Variants in HTR2C observed in about 807,000 individuals in gnomAD.
The protein encoded by HTR2C is 5-hydroxytryptamine receptor 2C, also known as 5-hydroxytryptamine (serotonin) receptor 2C, G protein-coupled.
A neutral mutation model predicts 21.0 loss-of-function variants in HTR2C; 5 were observed. That is an observed-to-expected ratio of 0.24 (90% CI 0.12 to 0.50). The LOEUF (loss-of-function observed/expected upper bound fraction) is 0.50, where lower values mean the gene tolerates loss of function less well. Ranked by LOEUF, HTR2C falls within the 20% of genes least tolerant of loss-of-function variation. The pLI, the probability that HTR2C is intolerant of heterozygous loss-of-function variation, is 0.98. For synonymous variants in HTR2C, 150 were observed against 145.3 expected (o/e 1.03, Z -0.23); for missense variants, 271 against 371.2 (o/e 0.73, Z 2.22).
At chrX:114,869,008 C>T (rs1441223214) in intron 5 of HTR2C, among the ~76,000 whole-genome samples, 1 of 109,168 alleles carries the variant, frequency 9.2e-6, no homozygotes, top group African/African-American at 3.4e-5. Flanking sequence ...CAACCCCTGA[C>T]AGGCCCCAGT....
intron 2 of HTR2C, among the ~76,000 whole-genome samples, chrX:114,690,442 A>T (rs1326617069): frequency 1.8e-5 from 2 of 111,737 alleles, no homozygotes; most frequent in African/African-American, 6.5e-5. Flanking sequence ...ACTGTTTTTC[A>T]TCTGCCTCTA....
chrX:114,681,616 CAAT>C (rs1569483617), intron 2 of HTR2C, among the ~76,000 whole-genome samples: 1 of 111,137 alleles, frequency 9.0e-6, no homozygotes, highest in Non-Finnish European at 1.9e-5. Context: ...GTTCCTCTTT[CAAT>C]AATGTTTTCT....
intron 2 of HTR2C, among the ~76,000 whole-genome samples, chrX:114,686,677 A>G (rs782158394): frequency 9.0e-6 from 1 of 110,649 alleles, no homozygotes; most frequent in African/African-American, 3.3e-5. Flanking sequence ...CAGTATATTT[A>G]TATATTTTAT....
chrX:114,893,233 G>GAA (rs1163386489), intron 5 of HTR2C, among the ~76,000 whole-genome samples: 5 of 110,456 alleles, frequency 4.5e-5, no homozygotes, highest in Non-Finnish European at 9.4e-5. Context: ...AATTTATAAG[G>GAA]AAAAGTAATG....
chrX:114,836,180 G>A (rs370088278), intron 4 of HTR2C, among the ~76,000 whole-genome samples: 30 of 109,729 alleles, frequency 2.7e-4, no homozygotes, highest in African/African-American at 7.5e-4. Flanking sequence ...CCCTGCCCCC[G>A]GAGGTGGAGC....
At chrX:114,641,692 C>T (rs1930130571) in intron 2 of HTR2C, among the ~76,000 whole-genome samples, 1 of 111,891 alleles carries the variant, frequency 8.9e-6, no homozygotes, top group African/African-American at 3.3e-5. Flanking sequence ...CATTTCCCAA[C>T]AGATAATAAT....
intron 4 of HTR2C, among the ~76,000 whole-genome samples, chrX:114,740,184 TA>T (rs1258844210): frequency 9.1e-6 from 1 of 109,634 alleles, no homozygotes; most frequent in Non-Finnish European, 1.9e-5. Context: ...CACATTTATA[TA>T]TATATATATG....
At chrX:114,730,402 A>G (rs1366459531) in intron 3 of HTR2C, among the ~76,000 whole-genome samples, 1 of 111,976 alleles carries the variant, frequency 8.9e-6, no homozygotes. Flanking sequence ...TAACAAATCC[A>G]TAGGCATTAA....
At chrX:114,670,262 G>T (rs1569482865) in intron 2 of HTR2C, among the ~76,000 whole-genome samples, 1 of 110,391 alleles carries the variant, frequency 9.1e-6, no homozygotes, top group East Asian at 2.8e-4. Flanking sequence ...GGGTGTGGTG[G>T]CAGGTGCCTG....
intron 5 of HTR2C, among the ~76,000 whole-genome samples, chrX:114,873,630 T>C (rs1368817103): frequency 8.9e-5 from 10 of 111,908 alleles, no homozygotes; most frequent in Non-Finnish European, 1.9e-4. Context: ...TGAGTTTCTT[T>C]TTTTATTTTC....
intron 4 of HTR2C, among the ~76,000 whole-genome samples, chrX:114,774,175 G>C (rs1406037147): frequency 2.7e-5 from 3 of 111,687 alleles, no homozygotes; most frequent in Non-Finnish European, 5.6e-5. Flanking sequence ...GTGTTTGTGT[G>C]TGTTGGTTGG....
intron 4 of HTR2C, among the ~76,000 whole-genome samples, chrX:114,803,618 G>C (rs1290453500): frequency 2.0e-5 from 2 of 102,467 alleles, no homozygotes; most frequent in African/African-American, 7.0e-5. Flanking sequence ...GTTCATTGTA[G>C]ATTCTGGATA....
At chrX:114,756,528 A>T (rs950039674) in intron 4 of HTR2C, among the ~76,000 whole-genome samples, 3 of 112,457 alleles carry the variant, frequency 2.7e-5, no homozygotes, top group Non-Finnish European at 5.6e-5. Context: ...TGATTCTTGC[A>T]ACAATCAAGA....
At chrX:114,596,647 G>C (rs782264228) in intron 1 of HTR2C, among the ~76,000 whole-genome samples, 1 of 111,478 alleles carries the variant, frequency 9.0e-6, no homozygotes, top group Non-Finnish European at 1.9e-5. Flanking sequence ...CAAATGGCAG[G>C]AAGAAGAAAA....
At chrX:114,702,074 C>T (rs1444557381) in intron 2 of HTR2C, among the ~76,000 whole-genome samples, 1 of 110,645 alleles carries the variant, frequency 9.0e-6, no homozygotes, top group Non-Finnish European at 1.9e-5. Context: ...AAGACCAAAT[C>T]TACGTCTGAT....
chrX:114,674,595 A>C lies in HTR2C; in HGVS notation c.-79-52263A>C, dbSNP rs5988078. 5.0e-3 allele frequency among the ~76,000 whole-genome samples: 556 copies of C among 111,573 alleles called. 4 individuals carry two copies. The highest frequency in any genetic ancestry group is 0.017 in the African/African-American group (528 of 30,725). On this transcript the variant is annotated intron_variant, in intron 2 of 5. Coordinates refer to ENST00000276198, the MANE Select transcript of HTR2C (RefSeq NM_000868.4). ...TTGAAACATTATAATTATGATACGT[A>C]ATCAGGGCCAATCAATGCCCTTAAG...
chrX:114,851,515 T>G (rs1210916397), intron 5 of HTR2C, among the ~76,000 whole-genome samples: 1 of 111,904 alleles, frequency 8.9e-6, no homozygotes, highest in African/African-American at 3.2e-5. Flanking sequence ...ATTTTTCTCA[T>G]TTTATTATTC....
intron 2 of HTR2C, among the ~76,000 whole-genome samples, chrX:114,703,555 A>C (rs1932637250): frequency 8.9e-6 from 1 of 111,936 alleles, no homozygotes; most frequent in Admixed American, 9.5e-5. Flanking sequence ...GGACGCTTTC[A>C]AAGCAGTGAG....
intron 2 of HTR2C, among the ~76,000 whole-genome samples, chrX:114,685,057 T>C (rs1466941516): frequency 1.8e-5 from 2 of 111,331 alleles, no homozygotes; most frequent in Non-Finnish European, 1.9e-5. Context: ...ACTGCAGTCA[T>C]GACATTTTAG....
Sources: allele counts gnomAD v4.1 joint callset (sites outside exome capture counted in the v4.1 genomes callset), GRCh38; gene constraint gnomAD v4.1.1; transcripts MANE v1.5; gene names NCBI Gene and HGNC (gene_info 2026-07-23, HGNC 2026-07-21).